Variants in FIRRM observed in about 807,000 individuals in gnomAD.
The protein encoded by FIRRM is FIGNL1-interacting regulator of recombination and mitosis.
chr1:169,853,240 C>CAAAT, the FIRRM span: 3 of 459,004 alleles, frequency 6.5e-6, no homozygotes, highest in South Asian at 7.4e-5. Context: ...TAACTGTAAA[C>CAAAT]AAATAAATAA....
chr1:169,853,644 G>T, the FIRRM span: 2 of 1,550,106 alleles, frequency 1.3e-6, no homozygotes, highest in Non-Finnish European at 1.8e-6. Flanking sequence ...CCCAAAGCCT[G>T]CTTTTGAGGT....
the FIRRM span, chr1:169,795,419 C>G: frequency 1.4e-6 from 2 of 1,396,288 alleles, no homozygotes; most frequent in South Asian, 3.3e-5. Flanking sequence ...GGCTTTGGCC[C>G]TGGAAAGCCT....
At chr1:169,801,253 G>A in the FIRRM span, among the ~76,000 whole-genome samples, 1 of 151,824 alleles carries the variant, frequency 6.6e-6, no homozygotes, top group South Asian at 2.1e-4. Context: ...GACCACCCAT[G>A]GTCAACATGA....
chr1:169,854,077 C>A, the FIRRM span: 9 of 582,838 alleles, frequency 1.5e-5, no homozygotes, highest in African/African-American at 1.3e-4. Flanking sequence ...GCTCATTAAA[C>A]AAACTAAGCA....
chr1:169,843,827 T>C, the FIRRM span: 1 of 1,009,654 alleles, frequency 9.9e-7, no homozygotes, highest in Non-Finnish European at 1.6e-6. Flanking sequence ...AAAACTGCTA[T>C]CATGTAAAAT....
At chr1:169,822,071 G>A in the FIRRM span, among the ~76,000 whole-genome samples, 1 of 152,022 alleles carries the variant, frequency 6.6e-6, no homozygotes, top group East Asian at 1.9e-4. Flanking sequence ...AAGACAAGCA[G>A]CATAGTTAGA....
the FIRRM span, among the ~76,000 whole-genome samples, chr1:169,817,519 ATATT>A: frequency 6.6e-6 from 1 of 152,184 alleles, no homozygotes; most frequent in Non-Finnish European, 1.5e-5. Context: ...TGCCAATAAC[ATATT>A]TATACAAATA....
chr1:169,792,723 C>G, the FIRRM span: 1 of 1,613,746 alleles, frequency 6.2e-7, no homozygotes, highest in African/African-American at 1.3e-5. Context: ...AAATAATGTG[C>G]TTTGCTGGCC....
the FIRRM span, chr1:169,851,006 TATTTG>T: frequency 3.0e-4 from 10 of 33,166 alleles, 1 homozygote; most frequent in East Asian, 2.8e-3. Context: ...TTTTTTTTTT[TATTTG>T]GGCAGCCTCC....
the FIRRM span, among the ~76,000 whole-genome samples, chr1:169,834,624 T>C: frequency 2.0e-5 from 3 of 152,268 alleles, no homozygotes; most frequent in East Asian, 5.8e-4. Flanking sequence ...ATTTGACAGA[T>C]GAAGAAACAA....
At chr1:169,853,912 A>C in the FIRRM span, 1 of 892,582 alleles carries the variant, frequency 1.1e-6, no homozygotes, top group Admixed American at 2.5e-5. Context: ...AATAACTTAG[A>C]GCTCTAACAG....
At chr1:169,847,856 G>A in the FIRRM span, 1 of 1,234,816 alleles carries the variant, frequency 8.1e-7, no homozygotes, top group East Asian at 2.4e-5. Context: ...CTCTATAAGA[G>A]TTAGTGATTA....
At chr1:169,830,851 A>G in the FIRRM span, 1 of 1,053,748 alleles carries the variant, frequency 9.5e-7, no homozygotes, top group Non-Finnish European at 1.5e-6. Context: ...ATATCACAGT[A>G]ACAAGATTGT....
At chr1:169,846,583 C>T in the FIRRM span, among the ~76,000 whole-genome samples, 1 of 152,160 alleles carries the variant, frequency 6.6e-6, no homozygotes, top group African/African-American at 2.4e-5. Context: ...GTTGCTTCAC[C>T]TTGTGCTTTT....
At chr1:169,853,879 A>G in the FIRRM span, 5 of 1,235,082 alleles carry the variant, frequency 4.0e-6, no homozygotes, top group South Asian at 4.9e-5. Context: ...TTGATGCCAG[A>G]AACACTACCT....
chr1:169,790,205 T>C, the FIRRM span, among the ~76,000 whole-genome samples: 1 of 151,326 alleles, frequency 6.6e-6, no homozygotes. Context: ...GTTGAGAGAG[T>C]CTTTCCCTGT....
the FIRRM span, among the ~76,000 whole-genome samples, chr1:169,815,023 C>T: frequency 1.8e-4 from 28 of 151,536 alleles, no homozygotes; most frequent in Admixed American, 5.9e-4. Context: ...TAAGGCCAGG[C>T]GCGGTGGCTC....
chr1:169,832,741 C>T, the FIRRM span, among the ~76,000 whole-genome samples: 1 of 151,910 alleles, frequency 6.6e-6, no homozygotes, highest in African/African-American at 2.4e-5. Flanking sequence ...GTAGCTGGGA[C>T]TACAGGCACA....
At chr1:169,823,942 T>TG in the FIRRM span, among the ~76,000 whole-genome samples, 8 of 152,186 alleles carry the variant, frequency 5.3e-5, no homozygotes. Flanking sequence ...AAAATTTAGA[T>TG]GGGGGCTAAG....
Sources: allele counts gnomAD v4.1 joint callset (sites outside exome capture counted in the v4.1 genomes callset), GRCh38; gene constraint gnomAD v4.1.1; transcripts MANE v1.5; gene names NCBI Gene and HGNC (gene_info 2026-07-23, HGNC 2026-07-21).